UBE2N: variants seen among roughly 807,000 people sequenced by gnomAD.
UBE2N encodes the protein ubiquitin conjugating enzyme E2 N, also known as ubiquitin-conjugating enzyme E2 N.
For synonymous variants in UBE2N, 70 were observed against 69.2 expected, an observed-to-expected ratio of 1.01 and a Z score of -0.06; for missense variants, 60 against 192.1, an observed-to-expected ratio of 0.31 and a Z score of 4.07.
At chr12:93,415,460 A>G (rs1287645896) in intron 1 of UBE2N, among the ~76,000 whole-genome samples, 3 of 152,232 alleles carry the variant, frequency 2.0e-5, no homozygotes, top group Non-Finnish European at 2.9e-5. Flanking sequence ...TGAGAAACTG[A>G]CATGTTCTTT....
intron 1 of UBE2N, among the ~76,000 whole-genome samples, chr12:93,431,916 C>T (rs913953252): frequency 6.6e-6 from 1 of 152,156 alleles, no homozygotes; most frequent in Non-Finnish European, 1.5e-5. Context: ...CTTGGCCCAG[C>T]AAACTCTTAC....
intron 1 of UBE2N, among the ~76,000 whole-genome samples, chr12:93,414,309 C>T (rs1382603822): frequency 6.6e-6 from 1 of 151,858 alleles, no homozygotes; most frequent in Non-Finnish European, 1.5e-5. Context: ...ATTAGCTAGG[C>T]ATGGTGGCGC....
chr12:93,434,741 AG>A (rs1878879622), intron 1 of UBE2N, among the ~76,000 whole-genome samples: 1 of 152,182 alleles, frequency 6.6e-6, no homozygotes, highest in African/African-American at 2.4e-5. Flanking sequence ...TTTTTTTCCT[AG>A]GAAGAGGTCA....
At chr12:93,414,927 A>G (rs980006725) in intron 1 of UBE2N, among the ~76,000 whole-genome samples, 1 of 152,208 alleles carries the variant, frequency 6.6e-6, no homozygotes. Context: ...ACTGCCTGGC[A>G]CAATAGATAT....
At chr12:93,415,571 A>C (rs937060647) in intron 1 of UBE2N, among the ~76,000 whole-genome samples, 2 of 152,200 alleles carry the variant, frequency 1.3e-5, no homozygotes, top group African/African-American at 4.8e-5. Context: ...AGAACAAAAG[A>C]GGCTGGTCTT....
chr12:93,436,154 T>A (rs1465221138), intron 1 of UBE2N, among the ~76,000 whole-genome samples: 2 of 152,132 alleles, frequency 1.3e-5, no homozygotes, highest in East Asian at 1.9e-4. Context: ...CAGGCTGGAG[T>A]GCAGTGGCGC....
intron 1 of UBE2N, among the ~76,000 whole-genome samples, chr12:93,425,735 G>T (rs1426964306): frequency 2.0e-5 from 3 of 152,148 alleles, no homozygotes; most frequent in South Asian, 4.1e-4. Flanking sequence ...ACTCCAAACC[G>T]AATCTTTACA....
chr12:93,413,163 A>C (rs1425964835), intron 1 of UBE2N, among the ~76,000 whole-genome samples: 1 of 152,212 alleles, frequency 6.6e-6, no homozygotes, highest in Non-Finnish European at 1.5e-5. Context: ...TCCAGTGCTT[A>C]ATCTTTATCT....
At chr12:93,435,139 T>C (rs1469578475) in intron 1 of UBE2N, among the ~76,000 whole-genome samples, 1 of 152,112 alleles carries the variant, frequency 6.6e-6, no homozygotes, top group Non-Finnish European at 1.5e-5. Flanking sequence ...CTTTTTTTAA[T>C]TGGAAGAAAA....
chr12:93,423,789 TG>T (rs1418521598), intron 1 of UBE2N, among the ~76,000 whole-genome samples: 1 of 152,224 alleles, frequency 6.6e-6, no homozygotes, highest in East Asian at 1.9e-4. Context: ...TTCTTTCTAC[TG>T]GAAGGTCCCC....
At position 93,409,569 on chromosome 12, in the gene UBE2N, T is replaced by C. The variant is rs1877971960; in HGVS notation, c.*470A>G. ...GCGTCTAAATAAAGTTAGACTTGGC[T>C]AGAGCATATTCTAAAGACCTGGTTA... On this transcript the variant is annotated 3_prime_UTR_variant, in exon 4 of 4. Transcript: ENST00000318066. 1 of 168,168 alleles carries C rather than the reference T, an allele frequency of 5.9e-6. No individual in the cohort carries two copies. The highest frequency in any genetic ancestry group is 6.5e-5 in the Admixed American group (1 of 15,276). 10.4% of individuals were successfully genotyped at this position (168,168 alleles called of 1,614,324 possible). A position where few individuals can be genotyped will look rare whatever the true frequency, so the allele number is the denominator to read the frequency against.
chr12:93,419,386 G>T (rs553109518), intron 1 of UBE2N, among the ~76,000 whole-genome samples: 2 of 147,564 alleles, frequency 1.4e-5, no homozygotes, highest in East Asian at 3.9e-4. Context: ...GTGAAACTCC[G>T]TCTCAAAAAA....
Position 93,439,346 on chromosome 12 carries a change from C to T in UBE2N, c.30+2509G>A, listed in dbSNP as rs371301063. ...TACAAAAATTAGCTGGGTGTGGTGGCATGCACCTTGCAGTCCCAGCTATTG... is the reference window on the plus strand; with the variant it reads ...TACAAAAATTAGCTGGGTGTGGTGGTATGCACCTTGCAGTCCCAGCTATTG... On this transcript the variant is annotated intron_variant, in intron 1 of 3. Transcript: ENST00000318066. 7.2e-5 allele frequency among the ~76,000 whole-genome samples: 11 copies of T among 152,258 alleles called. No homozygotes were observed. In the East Asian group the frequency reaches 1.2e-3, roughly 16 times the overall value.
chr12:93,439,147 A>C (rs1201047917), intron 1 of UBE2N, among the ~76,000 whole-genome samples: 1 of 152,248 alleles, frequency 6.6e-6, no homozygotes, highest in Non-Finnish European at 1.5e-5. Context: ...ATTAGATGAG[A>C]ATGCTAACAC....
chr12:93,434,571 A>G (rs928495443), intron 1 of UBE2N, among the ~76,000 whole-genome samples: 3 of 152,246 alleles, frequency 2.0e-5, no homozygotes, highest in African/African-American at 7.2e-5. Flanking sequence ...TCAAAACATT[A>G]GATAGTATAT....
rs1287037705 is a variant in UBE2N, at chr12:93,406,275, C to CCAAAAAAAAA, written c.*3763_*3764insTTTTTTTTTG. On this transcript the variant is annotated 3_prime_UTR_variant, in exon 4 of 4. Coordinates refer to ENST00000318066, the MANE Select transcript of UBE2N (RefSeq NM_003348.4). ...AGAGCTAGAAAGTGGCTAGAGCAGC[C>CCAAAAAAAAA]AAAAAAAAAAAAAAAAAAAAAAAAA... The CCAAAAAAAAA allele has an allele frequency of 2.6e-5, 1 of 37,990 alleles. No homozygotes were observed. The highest frequency in any genetic ancestry group is 8.3e-5 in the African/African-American group (1 of 12,012). 2.4% of individuals were successfully genotyped at this position (37,990 alleles called of 1,614,324 possible).
At chr12:93,417,083 G>C (rs17021220) in intron 1 of UBE2N, among the ~76,000 whole-genome samples, 18,467 of 152,146 alleles carry the variant, frequency 0.12, 1,186 homozygotes, top group Middle Eastern at 0.17. Context: ...CAGGAAGTTA[G>C]TTACTAAAAT....
chr12:93,436,959 A>G (rs1456789179), intron 1 of UBE2N, among the ~76,000 whole-genome samples: 3 of 152,188 alleles, frequency 2.0e-5, no homozygotes, highest in African/African-American at 7.2e-5. Flanking sequence ...ATGAATAAGC[A>G]ATTAGTTACA....
Position 93,408,053 on chromosome 12 carries a change from G to T in UBE2N, c.*1986C>A, listed in dbSNP as rs565684259. The T allele has an allele frequency of 6.6e-6, 1 of 152,144 alleles. No individual in the cohort carries two copies. Among genetic ancestry groups the T allele is most frequent in the Non-Finnish European group, 1.5e-5 (1 of 68,018 alleles). The allele number at this position is 152,144 out of a possible 1,614,324, so 9.4% of individuals were successfully genotyped here. On this transcript the variant is annotated 3_prime_UTR_variant, in exon 4 of 4. Coordinates refer to ENST00000318066, the MANE Select transcript of UBE2N (RefSeq NM_003348.4). The stretch of plus-strand genomic sequence containing the variant: ...TTGTAGTGCAACAGATTTAAATCTG[G>T]AATTTCATGGTTTGTAAATCACTAT...
Sources: gnomAD v4.1 joint callset for allele counts (sites outside exome capture counted in the v4.1 genomes callset) on GRCh38, gnomAD v4.1.1 for gene constraint, MANE v1.5 for transcripts, NCBI Gene and HGNC (gene_info 2026-07-23, HGNC 2026-07-21) for gene names.